CD247: variants seen among roughly 807,000 people sequenced by gnomAD.
CD247 encodes CD247 molecule, also known as T-cell surface glycoprotein CD3 zeta chain.
Under a neutral mutation model 30.0 loss-of-function variants are expected in CD247, and 13 were observed. The ratio of observed to expected loss-of-function variants is 0.43; its 90% CI spans 0.28 to 0.69. The LOEUF is 0.69. CD247 is among the 30% of genes least tolerant of loss of function. CD247 has a pLI of 0.16. For synonymous variants in CD247, 72 were observed against 80.0 expected (o/e 0.90, Z 0.53); for missense variants, 193 against 212.6 (o/e 0.91, Z 0.57).
intron 1 of CD247, among the ~76,000 whole-genome samples, chr1:167,505,396 C>T (rs1357940364): frequency 1.3e-5 from 2 of 152,212 alleles, no homozygotes; most frequent in African/African-American, 4.8e-5. Flanking sequence ...TCTTTATAGA[C>T]TAAAAGCACT....
intron 1 of CD247, among the ~76,000 whole-genome samples, chr1:167,500,409 T>C (rs1041576373): frequency 1.3e-5 from 2 of 152,256 alleles, no homozygotes; most frequent in Non-Finnish European, 2.9e-5. Context: ...CAACACAGTT[T>C]CAAAGGTTAT....
chr1:167,465,327 C>CTTTTTTTTT (rs765176193), intron 1 of CD247, among the ~76,000 whole-genome samples: 36 of 115,342 alleles, frequency 3.1e-4, no homozygotes, highest in Non-Finnish European at 5.1e-4. Context: ...TTTTCTTTTT[C>CTTTTTTTTT]TTTTTTTTTT....
chr1:167,466,963 C>T (rs1653279041), intron 1 of CD247, among the ~76,000 whole-genome samples: 2 of 152,190 alleles, frequency 1.3e-5, no homozygotes, highest in Non-Finnish European at 1.5e-5. Context: ...CCTCAGCCTC[C>T]CGAGTAGCTG....
intron 3 of CD247, among the ~76,000 whole-genome samples, chr1:167,439,046 C>CT (rs1320046037): frequency 6.6e-6 from 1 of 152,188 alleles, no homozygotes; most frequent in East Asian, 1.9e-4. Flanking sequence ...CTCCACCCCC[C>CT]TCTAGCCTTT....
At chr1:167,470,079 A>G (rs1653439663) in intron 1 of CD247, among the ~76,000 whole-genome samples, 1 of 151,894 alleles carries the variant, frequency 6.6e-6, no homozygotes, top group East Asian at 1.9e-4. Flanking sequence ...ATGCCCAGCT[A>G]ATTTTTGTAT....
chr1:167,502,413 T>A (rs908614697), intron 1 of CD247, among the ~76,000 whole-genome samples: 23 of 152,222 alleles, frequency 1.5e-4, no homozygotes, highest in African/African-American at 5.5e-4. Flanking sequence ...CTTGTTACAC[T>A]GTGCTAGGGA....
At chr1:167,462,195 C>T (rs1047199501) in intron 1 of CD247, among the ~76,000 whole-genome samples, 1 of 152,224 alleles carries the variant, frequency 6.6e-6, no homozygotes, top group African/African-American at 2.4e-5. Flanking sequence ...CCTCATCCCA[C>T]TCAGGGTTTA....
chr1:167,450,649 G>A (rs1384694432), intron 1 of CD247, among the ~76,000 whole-genome samples: 2 of 152,142 alleles, frequency 1.3e-5, no homozygotes, highest in Non-Finnish European at 2.9e-5. Flanking sequence ...TGGGAGCAGT[G>A]GCTCATGCCA....
intron 1 of CD247, among the ~76,000 whole-genome samples, chr1:167,517,340 T>C (rs1773553): frequency 0.1 from 15,704 of 152,158 alleles, 1,694 homozygotes; most frequent in African/African-American, 0.27. Flanking sequence ...CCCAGGTGAG[T>C]TACCAGGAGC....
intron 1 of CD247, among the ~76,000 whole-genome samples, chr1:167,504,869 T>C (rs36075438): frequency 0.013 from 2,006 of 152,320 alleles, 44 homozygotes; most frequent in African/African-American, 0.04. Context: ...GGTGAACAAC[T>C]GACAGGAAAA....
At chr1:167,465,575 T>C (rs1397011246) in intron 1 of CD247, among the ~76,000 whole-genome samples, 5 of 152,060 alleles carry the variant, frequency 3.3e-5, no homozygotes, top group Admixed American at 2.6e-4. Context: ...AGGTGATCCA[T>C]CTGCCTAGGC....
intron 1 of CD247, among the ~76,000 whole-genome samples, chr1:167,506,621 C>T (rs942929497): frequency 6.6e-6 from 1 of 152,026 alleles, no homozygotes; most frequent in Admixed American, 6.6e-5. Flanking sequence ...GAAGGTAGAA[C>T]TAAGTGGCAG....
chr1:167,504,852 A>G (rs774316613), intron 1 of CD247, among the ~76,000 whole-genome samples: 1 of 152,202 alleles, frequency 6.6e-6, no homozygotes, highest in Non-Finnish European at 1.5e-5. Context: ...TTGGGATCTC[A>G]TCCGTTGGTG....
At chr1:167,461,412 G>A (rs1653001392) in intron 1 of CD247, among the ~76,000 whole-genome samples, 1 of 152,218 alleles carries the variant, frequency 6.6e-6, no homozygotes, top group African/African-American at 2.4e-5. Flanking sequence ...TCTCACTGTA[G>A]AAAAGAGACT....
At chr1:167,488,530 A>T (rs976227937) in intron 1 of CD247, among the ~76,000 whole-genome samples, 1 of 152,196 alleles carries the variant, frequency 6.6e-6, no homozygotes, top group Non-Finnish European at 1.5e-5. Flanking sequence ...CAGGGGGATC[A>T]GACCTCACCT....
At chr1:167,437,851 AGAGT>A (rs1289579260) in intron 4 of CD247, among the ~76,000 whole-genome samples, 1 of 152,200 alleles carries the variant, frequency 6.6e-6, no homozygotes, top group Non-Finnish European at 1.5e-5. Context: ...AATATCTCTA[AGAGT>A]AAGTTGCTAA....
At chr1:167,444,047 C>A (rs1379306253) in intron 1 of CD247, among the ~76,000 whole-genome samples, 1 of 152,206 alleles carries the variant, frequency 6.6e-6, no homozygotes, top group Non-Finnish European at 1.5e-5. Flanking sequence ...TCGAGTACTT[C>A]TCTTGCCACT....
rs1558000549 is a variant in CD247, at chr1:167,449,161, T to TC, written c.59-8395_59-8394insG. Among the ~76,000 whole-genome samples the TC allele has an allele frequency of 2.4e-4, 33 of 139,164 alleles. No homozygotes were observed. The South Asian group carries it at 4.9e-3, about 21-fold the overall frequency. The allele number at this position is 139,164 out of a possible 152,430, so 91.3% of individuals were successfully genotyped here. A position where few individuals can be genotyped will look rare whatever the true frequency, so the allele number is the denominator to read the frequency against. Reference sequence around the variant, plus strand: ...TCATTTTTCTTTTCTTTTTTTTTTTTTTTTTTTTTGAGACAGAGTCTCGCT... The same window carrying TC: ...TCATTTTTCTTTTCTTTTTTTTTTTTCTTTTTTTTTGAGACAGAGTCTCGCT... On this transcript the variant is annotated intron_variant, in intron 1 of 7. Coordinates refer to ENST00000362089, the MANE Select transcript of CD247 (RefSeq NM_198053.3).
chr1:167,459,842 C>T (rs1652912759), intron 1 of CD247: 1 of 152,152 alleles, frequency 6.6e-6, no homozygotes, highest in Non-Finnish European at 1.5e-5. Context: ...GCACATTTTT[C>T]ACTAATATTT....
Sources: allele counts gnomAD v4.1 joint callset (sites outside exome capture counted in the v4.1 genomes callset), GRCh38; gene constraint gnomAD v4.1.1; transcripts MANE v1.5; gene names NCBI Gene and HGNC (gene_info 2026-07-23, HGNC 2026-07-21).